HPSE2: variants seen among roughly 807,000 people sequenced by gnomAD.
HPSE2 encodes the protein inactive heparanase-2.
Under a neutral mutation model 60.5 loss-of-function variants are expected in HPSE2, and 38 were observed. That is an observed-to-expected ratio of 0.63 (90% confidence interval 0.48 to 0.82). HPSE2 has a LOEUF of 0.82. Ranked by LOEUF, HPSE2 falls within the 40% of genes least tolerant of loss-of-function variation. The probability of loss-of-function intolerance (pLI) is 0.00; values close to 1 mark genes in which losing one functional copy is unlikely to be tolerated. For synonymous variants in HPSE2, 295 were observed against 293.2 expected (o/e 1.01, Z -0.06); for missense variants, 713 against 740.4 (o/e 0.96, Z 0.43).
At chr10:99,019,312 T>C (rs192504958) in intron 3 of HPSE2, among the ~76,000 whole-genome samples, 1 of 152,324 alleles carries the variant, frequency 6.6e-6, no homozygotes, top group African/African-American at 2.4e-5. Flanking sequence ...AGAGGTGTCA[T>C]CAAGTGTTGC....
chr10:99,164,102 C>G (rs1429698625), intron 2 of HPSE2, among the ~76,000 whole-genome samples: 3 of 151,158 alleles, frequency 2.0e-5, no homozygotes, highest in Non-Finnish European at 2.9e-5. Flanking sequence ...CAATGGATCT[C>G]ACCTACACCA....
intron 3 of HPSE2, among the ~76,000 whole-genome samples, chr10:98,937,269 G>A (rs897173454): frequency 6.9e-6 from 1 of 144,500 alleles, no homozygotes; most frequent in Non-Finnish European, 1.5e-5. Context: ...TGCGCAAGCT[G>A]AAGCAGGGCA....
chr10:98,712,281 A>G (rs571193487), intron 5 of HPSE2, among the ~76,000 whole-genome samples: 2 of 79,002 alleles, frequency 2.5e-5, no homozygotes, highest in African/African-American at 5.7e-5. Flanking sequence ...AAATTAGAAG[A>G]AAAAAAAAAC....
At chr10:98,537,473 T>G (rs1943319366) in intron 9 of HPSE2, among the ~76,000 whole-genome samples, 2 of 152,184 alleles carry the variant, frequency 1.3e-5, no homozygotes, top group African/African-American at 4.8e-5. Context: ...CATGAACAAT[T>G]ATCAATCATT....
chr10:98,630,586 T>C (rs1453232975), intron 7 of HPSE2, among the ~76,000 whole-genome samples: 3 of 152,216 alleles, frequency 2.0e-5, no homozygotes, highest in African/African-American at 7.2e-5. Context: ...TCAAATGTTA[T>C]TTCCTCTGTG....
At chr10:98,917,035 A>G (rs1350910138) in intron 3 of HPSE2, among the ~76,000 whole-genome samples, 1 of 152,132 alleles carries the variant, frequency 6.6e-6, no homozygotes, top group Non-Finnish European at 1.5e-5. Context: ...AAGGCCTCAC[A>G]TGGGGACTTG....
chr10:99,008,991 T>TG (rs1723845460), intron 3 of HPSE2, among the ~76,000 whole-genome samples: 1 of 152,144 alleles, frequency 6.6e-6, no homozygotes, highest in Admixed American at 6.5e-5. Context: ...TTCCTGCTGC[T>TG]GTGTCAAGTT....
At chr10:99,240,336 G>A (rs1849917803), upstream of HPSE2, among the ~76,000 whole-genome samples, 1 of 151,690 alleles carries the variant, frequency 6.6e-6, no homozygotes, top group Non-Finnish European at 1.5e-5. Flanking sequence ...CTGTGTTTAT[G>A]TCCAAATTCT....
chr10:98,576,587 G>A (rs1944646570), intron 9 of HPSE2, among the ~76,000 whole-genome samples: 2 of 152,096 alleles, frequency 1.3e-5, no homozygotes, highest in African/African-American at 2.4e-5. Flanking sequence ...GCTCTGCGGG[G>A]TCCCAGGCAC....
the HPSE2 span, among the ~76,000 whole-genome samples, chr10:99,306,467 G>C: frequency 6.9e-6 from 1 of 144,440 alleles, no homozygotes; most frequent in Non-Finnish European, 1.5e-5. Context: ...AGCCATTTTG[G>C]GGGTCTGCTT....
intron 4 of HPSE2, among the ~76,000 whole-genome samples, chr10:98,724,512 G>C (rs961006531): frequency 1.3e-5 from 2 of 152,050 alleles, no homozygotes; most frequent in African/African-American, 2.4e-5. Context: ...TCAATTCCTG[G>C]ATATCCTTGT....
intron 3 of HPSE2, among the ~76,000 whole-genome samples, chr10:98,881,125 A>G (rs1177592480): frequency 6.6e-6 from 1 of 152,006 alleles, no homozygotes; most frequent in African/African-American, 2.4e-5. Flanking sequence ...TCCTTTCTCT[A>G]TAGTCTCTGG....
At chr10:99,181,755 C>T (rs149408852) in intron 2 of HPSE2, among the ~76,000 whole-genome samples, 151 of 152,150 alleles carry the variant, frequency 9.9e-4, no homozygotes, top group Admixed American at 9.2e-3. Context: ...AGAGGTATAG[C>T]GTTAGGAGAA....
chr10:99,139,746 T>C (rs1173122310), intron 3 of HPSE2, among the ~76,000 whole-genome samples: 1 of 152,186 alleles, frequency 6.6e-6, no homozygotes, highest in African/African-American at 2.4e-5. Flanking sequence ...TTTAGCCCTC[T>C]AGAAGAGTCA....
chr10:99,141,630 A>C (rs1021839334), intron 3 of HPSE2, among the ~76,000 whole-genome samples: 6 of 152,192 alleles, frequency 3.9e-5, no homozygotes, highest in Non-Finnish European at 1.5e-5. Flanking sequence ...TCTTTTATTA[A>C]ATGGTTAAAA....
At position 99,149,160 on chromosome 10, in the gene HPSE2, T is replaced by C. The variant is rs144712426; in HGVS notation, c.449-4761A>G. Among the ~76,000 whole-genome samples, 349 of 152,228 alleles carry C rather than the reference T, an allele frequency of 2.3e-3. 2 individuals carry two copies. Among genetic ancestry groups the C allele is most frequent in the African/African-American group, 7.8e-3 (323 of 41,538 alleles). ...TGTGGAAATCTAAAAAGCCAAACAT[T>C]ATGGGAGTACCCAAGAACCAAACCT... is the stretch of plus-strand genomic sequence containing the variant. On this transcript the variant is annotated intron_variant, in intron 2 of 11. Transcript: ENST00000370552.
the HPSE2 span, among the ~76,000 whole-genome samples, chr10:99,278,054 G>A: frequency 2.3e-4 from 34 of 145,064 alleles, no homozygotes; most frequent in South Asian, 6.5e-4. Context: ...CCAAGATCGC[G>A]CCACTGTACT....
intron 6 of HPSE2, among the ~76,000 whole-genome samples, chr10:98,655,067 G>A (rs1355894549): frequency 6.6e-6 from 1 of 152,092 alleles, no homozygotes; most frequent in Non-Finnish European, 1.5e-5. Flanking sequence ...GTAACTTTAT[G>A]GTTAAATCTC....
At chr10:98,775,341 AC>A (rs1252590876) in intron 3 of HPSE2, among the ~76,000 whole-genome samples, 1 of 152,156 alleles carries the variant, frequency 6.6e-6, no homozygotes, top group Non-Finnish European at 1.5e-5. Context: ...GAGGTCTGGA[AC>A]CCCATCTTAA....
Sources: gnomAD v4.1 joint callset for allele counts (sites outside exome capture counted in the v4.1 genomes callset) on GRCh38, gnomAD v4.1.1 for gene constraint, MANE v1.5 for transcripts, NCBI Gene and HGNC (gene_info 2026-07-23, HGNC 2026-07-21) for gene names.